MAPKAP1: variants seen among roughly 807,000 people sequenced by gnomAD.
MAPKAP1 encodes the protein MAPK associated protein 1, also known as target of rapamycin complex 2 subunit MAPKAP1.
In MAPKAP1, 20 loss-of-function variants were observed where a neutral mutation model predicts 65.7. That is an observed-to-expected ratio of 0.30 (90% CI 0.21 to 0.44). The LOEUF is 0.44. Among genes scored for constraint, MAPKAP1 ranks in the 20% least tolerant of loss-of-function variants. The pLI is 1.00. For missense variants in MAPKAP1, 423 were observed against 648.0 expected, an observed-to-expected ratio of 0.65 and a Z score of 3.77; for synonymous variants, 222 against 244.3, an observed-to-expected ratio of 0.91 and a Z score of 0.85.
chr9:125,475,239 T>C (rs1854060275), intron 9 of MAPKAP1, among the ~76,000 whole-genome samples: 1 of 152,180 alleles, frequency 6.6e-6, no homozygotes, highest in Admixed American at 6.5e-5. Context: ...ACAGACCAGC[T>C]CACCTGCCAT....
chr9:125,465,384 G>C (rs1853634603), intron 10 of MAPKAP1, among the ~76,000 whole-genome samples: 1 of 152,030 alleles, frequency 6.6e-6, no homozygotes, highest in Admixed American at 6.6e-5. Context: ...AGATAAAAAG[G>C]GTTACCATTA....
chr9:125,520,013 G>T (rs562514796), intron 7 of MAPKAP1, among the ~76,000 whole-genome samples: 1 of 152,272 alleles, frequency 6.6e-6, no homozygotes, highest in East Asian at 1.9e-4. Flanking sequence ...GCAGACCCCA[G>T]CACATTTGAG....
intron 6 of MAPKAP1, among the ~76,000 whole-genome samples, chr9:125,546,829 G>A (rs1227107897): frequency 1.9e-4 from 29 of 152,066 alleles, no homozygotes; most frequent in Admixed American, 1.9e-3. Flanking sequence ...GGATGAACAG[G>A]CAGGCTACAC....
intron 5 of MAPKAP1, chr9:125,565,606 G>C (rs1831026113): frequency 3.1e-5 from 11 of 357,260 alleles, no homozygotes; most frequent in South Asian, 2.5e-4. Flanking sequence ...CAGCTCAGAA[G>C]CTGATATCTC....
chr9:125,591,213 C>T (rs1254641084), intron 4 of MAPKAP1, among the ~76,000 whole-genome samples: 5 of 152,216 alleles, frequency 3.3e-5, no homozygotes, highest in Non-Finnish European at 5.9e-5. Context: ...TAAACACCAA[C>T]GCCTTCTTTC....
chr9:125,657,353 G>A (rs1016990009), intron 4 of MAPKAP1, among the ~76,000 whole-genome samples: 5 of 151,158 alleles, frequency 3.3e-5, no homozygotes, highest in African/African-American at 9.7e-5. Context: ...ATATATATAT[G>A]TGTGTTGGGG....
intron 5 of MAPKAP1, chr9:125,568,046 G>A (rs1221846768): frequency 3.3e-5 from 5 of 152,174 alleles, no homozygotes; most frequent in Admixed American, 6.5e-5. Flanking sequence ...AATGAGACTG[G>A]GGTAGAGGCC....
rs939412904 is a variant in MAPKAP1, at chr9:125,479,859, T to C, written c.1207+4584A>G. 1.1e-4 allele frequency among the ~76,000 whole-genome samples: 16 copies of C among 152,330 alleles called. No individual in the cohort carries two copies. The East Asian group carries it at 1.9e-3, about 18-fold the overall frequency. ...ACACACTTACTTTCCACTTAAAAGA[T>C]GTTGCCACAGGGGCCAAGTGAAATC... On this transcript the variant is annotated intron_variant, in intron 9 of 11. Coordinates refer to ENST00000265960, the MANE Select transcript of MAPKAP1 (RefSeq NM_001006617.3).
intron 4 of MAPKAP1, among the ~76,000 whole-genome samples, chr9:125,597,079 A>ACG (rs1832153245): frequency 2.0e-5 from 3 of 151,680 alleles, no homozygotes; most frequent in Admixed American, 6.6e-5. Flanking sequence ...TGGCTAACAA[A>ACG]GTGAAACCCT....
intron 4 of MAPKAP1, among the ~76,000 whole-genome samples, chr9:125,591,354 A>G (rs1312072691): frequency 6.6e-6 from 1 of 152,186 alleles, no homozygotes; most frequent in Non-Finnish European, 1.5e-5. Flanking sequence ...TAGGAGATGG[A>G]GACTCCAGGA....
At chr9:125,693,230 T>A (rs1454911306) in intron 1 of MAPKAP1, among the ~76,000 whole-genome samples, 2 of 151,836 alleles carry the variant, frequency 1.3e-5, no homozygotes, top group Non-Finnish European at 2.9e-5. Context: ...CTGGCCAACA[T>A]GGTGAAACCC....
At chr9:125,538,617 A>G (rs1455145828) in intron 7 of MAPKAP1, among the ~76,000 whole-genome samples, 1 of 152,140 alleles carries the variant, frequency 6.6e-6, no homozygotes, top group Non-Finnish European at 1.5e-5. Context: ...ATGGTAAGCC[A>G]CTGCTTTGAC....
chr9:125,571,975 C>A (rs1831248303), intron 5 of MAPKAP1, among the ~76,000 whole-genome samples: 1 of 152,150 alleles, frequency 6.6e-6, no homozygotes, highest in South Asian at 2.1e-4. Flanking sequence ...AAAGTATACT[C>A]CTGTAAACAA....
intron 5 of MAPKAP1, among the ~76,000 whole-genome samples, chr9:125,578,863 G>T (rs1425477549): frequency 1.3e-5 from 2 of 152,092 alleles, no homozygotes; most frequent in Non-Finnish European, 2.9e-5. Flanking sequence ...AGTAATTAAG[G>T]ACATTGACTT....
rs966126531 is a variant in MAPKAP1 at position 125,444,428 on chromosome 9, G to A, written c.1443+73C>T. On this transcript the variant is annotated intron_variant, in intron 11 of 11. Coordinates refer to ENST00000265960, the MANE Select transcript of MAPKAP1 (RefSeq NM_001006617.3). The stretch of plus-strand genomic sequence containing the variant: ...AGAGCTGCGGAGTGGGTGGGGCTGC[G>A]GCCATGCCGCAAACAGCCTGAAGAG... The A allele has an allele frequency of 2.9e-5, 34 of 1,187,036 alleles. No homozygotes were observed. In the South Asian group the frequency reaches 3.7e-4, roughly 13 times the overall value. 73.5% of individuals were successfully genotyped at this position (1,187,036 alleles called of 1,614,324 possible).
At chr9:125,506,224 C>G (rs1829135391) in intron 8 of MAPKAP1, 86 bp downstream of exon 8, 2 of 1,169,334 alleles carry the variant, frequency 1.7e-6, no homozygotes, top group South Asian at 2.5e-5. Flanking sequence ...CCTAGGGAAA[C>G]CAGACCAGTG....
At chr9:125,635,790 TTTC>T (rs908574700) in intron 4 of MAPKAP1, among the ~76,000 whole-genome samples, 4 of 152,186 alleles carry the variant, frequency 2.6e-5, no homozygotes, top group Non-Finnish European at 5.9e-5. Flanking sequence ...TATACAGAAA[TTTC>T]TTAATGCTTC....
chr9:125,530,834 C>G (rs565784477), intron 7 of MAPKAP1, among the ~76,000 whole-genome samples: 5 of 152,246 alleles, frequency 3.3e-5, no homozygotes, highest in Admixed American at 2.0e-4. Flanking sequence ...GGAAGTAAAC[C>G]AAAACCTAAA....
At chr9:125,660,756 G>A (rs1414551906) in intron 3 of MAPKAP1, among the ~76,000 whole-genome samples, 1 of 152,100 alleles carries the variant, frequency 6.6e-6, no homozygotes, top group Non-Finnish European at 1.5e-5. Flanking sequence ...CAGAACCGTG[G>A]CAACCGCTAG....
Sources: allele counts gnomAD v4.1 joint callset (sites outside exome capture counted in the v4.1 genomes callset), GRCh38; gene constraint gnomAD v4.1.1; transcripts MANE v1.5; gene names NCBI Gene and HGNC (gene_info 2026-07-23, HGNC 2026-07-21).